Variants in TMOD2 observed in about 807,000 individuals in gnomAD.
The protein encoded by TMOD2 is tropomodulin 2.
A neutral mutation model predicts 39.9 loss-of-function variants in TMOD2; 22 were observed. The observed-to-expected ratio is 0.55, with a 90% CI of 0.39 to 0.79. TMOD2 has a LOEUF of 0.79. Among genes scored for constraint, TMOD2 ranks in the 30% least tolerant of loss-of-function variants. The pLI, the probability that TMOD2 is intolerant of heterozygous loss-of-function variation, is 0.00. For synonymous variants in TMOD2, 123 were observed against 146.1 expected, an observed-to-expected ratio of 0.84 and a Z score of 1.14; for missense variants, 386 against 413.3, an observed-to-expected ratio of 0.93 and a Z score of 0.57.
intron 7 of TMOD2, among the ~76,000 whole-genome samples, chr15:51,785,873 A>G (rs1446406149): frequency 6.6e-6 from 1 of 152,222 alleles, no homozygotes; most frequent in Non-Finnish European, 1.5e-5. Flanking sequence ...CTGCAAACAC[A>G]TTGTATAAAG....
intron 7 of TMOD2, among the ~76,000 whole-genome samples, chr15:51,793,667 G>T (rs28650792): frequency 6.6e-6 from 1 of 152,190 alleles, no homozygotes; most frequent in African/African-American, 2.4e-5. Flanking sequence ...GTGAACCTGG[G>T]CCTACAGCCC....
At chr15:51,763,601 T>C (rs890454354) in intron 1 of TMOD2, among the ~76,000 whole-genome samples, 24 of 152,354 alleles carry the variant, frequency 1.6e-4, no homozygotes, top group African/African-American at 5.8e-4. Flanking sequence ...ACTGTCCTAA[T>C]CTGGGCCTCT....
intron 1 of TMOD2, among the ~76,000 whole-genome samples, chr15:51,758,248 A>C (rs1205717739): frequency 1.3e-5 from 2 of 152,306 alleles, no homozygotes; most frequent in East Asian, 3.9e-4. Context: ...CATAGTATGA[A>C]CATGTTATTT....
Position 51,808,530 on chromosome 15 carries a change from G to T in TMOD2, c.*76G>T. ...AAAAACTCTTCTTCTTCCCCATCAGGACCATTTTATCAAAGTTCGTTCATT... is the reference window on the plus strand; with the variant it reads ...AAAAACTCTTCTTCTTCCCCATCAGTACCATTTTATCAAAGTTCGTTCATT... On this transcript the variant is annotated 3_prime_UTR_variant, in exon 10 of 10. Coordinates refer to ENST00000249700, the MANE Select transcript of TMOD2 (RefSeq NM_014548.4). The T allele has an allele frequency of 1.6e-6, 2 of 1,251,818 alleles. No individual in the cohort carries two copies. The highest frequency in any genetic ancestry group is 2.7e-5 in the South Asian group (2 of 72,884). 77.5% of individuals were successfully genotyped at this position (1,251,818 alleles called of 1,614,324 possible). A position where few individuals can be genotyped will look rare whatever the true frequency, so the allele number is the denominator to read the frequency against.
intron 4 of TMOD2, 34 bp downstream of exon 4, chr15:51,773,868 G>A: frequency 1.9e-6 from 3 of 1,581,836 alleles, no homozygotes; most frequent in Non-Finnish European, 2.6e-6. Context: ...TTCCTGTCTG[G>A]CTCTATGACC....
chr15:51,769,599 C>T (rs959705262), intron 3 of TMOD2, among the ~76,000 whole-genome samples: 6 of 152,196 alleles, frequency 3.9e-5, no homozygotes, highest in African/African-American at 7.2e-5. Flanking sequence ...CCTTAGCTCC[C>T]GACCCTGTGC....
At chr15:51,783,287 G>A (rs2055944382) in intron 7 of TMOD2, 1 of 158,438 alleles carries the variant, frequency 6.3e-6, no homozygotes. Context: ...TTCGAGACCA[G>A]CCTGGCCAAT....
chr15:51,753,549 A>T (rs565567114), intron 1 of TMOD2, among the ~76,000 whole-genome samples: 28 of 152,192 alleles, frequency 1.8e-4, no homozygotes, highest in Non-Finnish European at 3.5e-4. Flanking sequence ...CTAGATGCAA[A>T]AAAAAAAGCT....
intron 5 of TMOD2, among the ~76,000 whole-genome samples, chr15:51,778,435 A>G (rs1476173012): frequency 6.6e-6 from 1 of 150,718 alleles, no homozygotes; most frequent in Non-Finnish European, 1.5e-5. Context: ...ATGTATACAT[A>G]TGTAACTAAC....
At chr15:51,757,749 G>A (rs2055752462) in intron 1 of TMOD2, among the ~76,000 whole-genome samples, 1 of 152,246 alleles carries the variant, frequency 6.6e-6, no homozygotes, top group Admixed American at 6.5e-5. Flanking sequence ...CCCTTGGGCA[G>A]CCTTGGTGGG....
intron 7 of TMOD2, among the ~76,000 whole-genome samples, chr15:51,795,028 A>G (rs1306508458): frequency 2.0e-5 from 3 of 152,256 alleles, no homozygotes; most frequent in Admixed American, 6.5e-5. Context: ...TGCTGACCTG[A>G]TTTTTGATCC....
chr15:51,773,189 G>A (rs979633201), intron 3 of TMOD2, among the ~76,000 whole-genome samples: 1 of 152,202 alleles, frequency 6.6e-6, no homozygotes, highest in Admixed American at 6.5e-5. Flanking sequence ...GGATAGACAT[G>A]GGAAGGGGCT....
rs560255326 is a variant in TMOD2 at position 51,789,143 on chromosome 15, C to G, written c.732+6315C>G. ...TCATGTACAAAGACACACATAGGCT[C>G]AAAATAAAGGGATGGAGGAAGATCT... On this transcript the variant is annotated intron_variant, in intron 7 of 9. Coordinates refer to ENST00000249700, the MANE Select transcript of TMOD2 (RefSeq NM_014548.4). Among the ~76,000 whole-genome samples, 5 of 151,874 alleles carry G rather than the reference C, an allele frequency of 3.3e-5. No homozygotes were observed. The South Asian group carries it at 1.0e-3, about 32-fold the overall frequency.
In TMOD2 at chr15:51,810,809, T is replaced by C. The variant is rs2056152051; in HGVS notation, c.*2355T>C. On this transcript the variant is annotated 3_prime_UTR_variant, in exon 10 of 10. Transcript: ENST00000249700. Reference sequence around the variant, plus strand: ...CCTTGACTCTTAAAATCCTGGACCCTATAGAGCATTCCTTGCAGCCCCACA... The same window carrying C: ...CCTTGACTCTTAAAATCCTGGACCCCATAGAGCATTCCTTGCAGCCCCACA... 6.6e-6 allele frequency: 1 copy of C among 150,556 alleles called. No individual in the cohort carries two copies. The highest frequency in any genetic ancestry group is 2.4e-5 in the African/African-American group (1 of 40,912). The allele number at this position is 150,556 out of a possible 1,614,324, so 9.3% of individuals were successfully genotyped here.
chr15:51,795,707 C>G (rs918783309), intron 7 of TMOD2, among the ~76,000 whole-genome samples: 7 of 149,258 alleles, frequency 4.7e-5, no homozygotes, highest in Non-Finnish European at 7.4e-5. Flanking sequence ...TTAAGGTTTT[C>G]TCATAATTTC....
chr15:51,770,103 A>C (rs756990890), intron 3 of TMOD2, among the ~76,000 whole-genome samples: 5 of 152,180 alleles, frequency 3.3e-5, no homozygotes, highest in Non-Finnish European at 5.9e-5. Context: ...TGTGGTCTTT[A>C]AAGTAGATAT....
At position 51,773,711 on chromosome 15, in the gene TMOD2, G is replaced by C; in HGVS notation, c.284-1G>C. ...ATTTTTGTTTTTCTTCTGATTTAAA[G>C]GGAGAGTCTTTATCCCTAAAGAAAA... is the stretch of plus-strand genomic sequence containing the variant. On this transcript the variant is annotated splice_acceptor_variant, in intron 3 of 9. Coordinates refer to ENST00000249700, the MANE Select transcript of TMOD2 (RefSeq NM_014548.4). LOFTEE classifies it high-confidence loss of function. 1 of 1,600,768 alleles carries C rather than the reference G, an allele frequency of 6.2e-7. No individual in the cohort carries two copies. Among genetic ancestry groups the C allele is most frequent in the Non-Finnish European group, 8.5e-7 (1 of 1,176,296 alleles).
rs537778237 is a variant in TMOD2 at position 51,805,152 on chromosome 15, G to A, written c.877-1225G>A. ...TTTTTGTATTTTTAGTAGAAACGGC[G>A]TTTCACCATGTTGCCCGGGCTGGTC... On this transcript the variant is annotated intron_variant, in intron 8 of 9. Transcript: ENST00000249700. Among the ~76,000 whole-genome samples, 6 of 151,528 alleles carry A rather than the reference G, an allele frequency of 4.0e-5. No individual in the cohort carries two copies. In the East Asian group the frequency reaches 5.8e-4, roughly 15 times the overall value.
intron 7 of TMOD2, among the ~76,000 whole-genome samples, 190 bp from the exon 8 acceptor site, chr15:51,798,007 C>A (rs2056063287): frequency 6.6e-6 from 1 of 151,422 alleles, no homozygotes; most frequent in Non-Finnish European, 1.5e-5. Flanking sequence ...GTCTAGACTG[C>A]TGGACTGAAA....
Sources: allele counts gnomAD v4.1 joint callset (sites outside exome capture counted in the v4.1 genomes callset), GRCh38; gene constraint gnomAD v4.1.1; transcripts MANE v1.5; gene names NCBI Gene and HGNC (gene_info 2026-07-23, HGNC 2026-07-21).